The following PCDHGA4 variants were observed in gnomAD, a reference collection of about 807,000 sequenced individuals.
PCDHGA4 encodes protocadherin gamma subfamily A, 4.
PCDHGA4 carries 38 observed loss-of-function variants against 54.6 expected under a neutral mutation model. The observed-to-expected ratio is 0.70, with a 90% CI of 0.54 to 0.91. The LOEUF is 0.91. Ranked by LOEUF, PCDHGA4 falls within the 40% of genes least tolerant of loss-of-function variation. The pLI is 0.00. For missense variants in PCDHGA4, 1,298 were observed against 1,220.9 expected (o/e 1.06, Z -0.94); for synonymous variants, 511 against 512.9 (o/e 1.00, Z 0.05).
At chr5:141,422,709 T>A in intron 1 of PCDHGA4, 1 of 1,603,558 alleles carries the variant, frequency 6.2e-7, no homozygotes, top group Admixed American at 1.7e-5. Flanking sequence ...CTCTGACGGA[T>A]GACACTGTCC....
chr5:141,364,645 C>T (rs1036042236), intron 1 of PCDHGA4: 2 of 1,613,960 alleles, frequency 1.2e-6, no homozygotes, highest in African/African-American at 2.7e-5. Context: ...GTGTGGTGAA[C>T]TTTAACATCT....
Position 141,489,434 on chromosome 5 carries a change from A to G in PCDHGA4, c.2515-5373A>G. On this transcript the variant is annotated intron_variant, in intron 1 of 3. Transcript: ENST00000571252. This position sits in a 1 kb window ranked among gnomAD's most constrained non-coding sequence, Gnocchi z 4.5. ...ACAGATCTGTTGAGCCGGCGGCTGC[A>G]ATTGGGCTCTGAGGAGAATGGGCGC... 6.2e-7 allele frequency: 1 copy of G among 1,614,138 alleles called. No individual in the cohort carries two copies. The highest frequency in any genetic ancestry group is 8.5e-7 in the Non-Finnish European group (1 of 1,180,044).
intron 2 of PCDHGA4, among the ~76,000 whole-genome samples, chr5:141,495,720 G>A (rs1048453188): frequency 2.6e-5 from 4 of 152,080 alleles, no homozygotes; most frequent in Non-Finnish European, 5.9e-5. Context: ...GTAACTACAC[G>A]GGACCCTTAG....
intron 2 of PCDHGA4, among the ~76,000 whole-genome samples, chr5:141,500,381 T>G (rs1013284512): frequency 7.2e-5 from 11 of 151,786 alleles, no homozygotes; most frequent in African/African-American, 2.7e-4. Flanking sequence ...GCTAATTATT[T>G]TGTATTTTTA....
At chr5:141,397,926 A>T in intron 1 of PCDHGA4, 1 of 753,888 alleles carries the variant, frequency 1.3e-6, no homozygotes, top group Non-Finnish European at 2.1e-6. Context: ...CTCCTCGCGC[A>T]GCCGCAGCGC....
At position 141,477,118 on chromosome 5, in the gene PCDHGA4, A is replaced by T. The variant is rs2099405787; in HGVS notation, c.2515-17689A>T. The T allele has an allele frequency of 6.2e-7, 1 of 1,614,228 alleles. No homozygotes were observed. Among genetic ancestry groups the T allele is most frequent in the Non-Finnish European group, 8.5e-7 (1 of 1,180,034 alleles). On this transcript the variant is annotated intron_variant, in intron 1 of 3. Coordinates refer to ENST00000571252, the MANE Select transcript of PCDHGA4 (RefSeq NM_018917.4). This position sits in a 1 kb window ranked among gnomAD's most constrained non-coding sequence, Gnocchi z 4.9. ...ACAAGGGCGCCAATCCCGAAGGAGC[A>T]CATTGCAAAGTGTTGGTGGAGGTTG...
chr5:141,407,529 T>G (rs2154538729), intron 1 of PCDHGA4, among the ~76,000 whole-genome samples: 1 of 151,552 alleles, frequency 6.6e-6, no homozygotes, highest in South Asian at 2.1e-4. Context: ...CTTAACTTAT[T>G]GTGCATTGGT....
chr5:141,389,916 G>C lies in PCDHGA4; in HGVS notation c.2514+32295G>C, dbSNP rs747654268. 3.1e-6 allele frequency: 5 copies of C among 1,613,904 alleles called. No individual in the cohort carries two copies. In the African/African-American group the frequency reaches 6.7e-5, roughly 22 times the overall value. ...GCTGCCGGATATCACTGACCGCCCC[G>C]ACCCCTCTGACCTCCAGGCTGAGCT... On this transcript the variant is annotated intron_variant, in intron 1 of 3. Transcript: ENST00000571252.
intron 1 of PCDHGA4, chr5:141,419,816 C>A (rs910172118): frequency 7.4e-6 from 12 of 1,613,940 alleles, no homozygotes; most frequent in Non-Finnish European, 1.0e-5. Context: ...AGGACAGCCA[C>A]CCCTTTCAGC....
intron 1 of PCDHGA4, chr5:141,410,118 G>C: frequency 1.2e-6 from 2 of 1,612,422 alleles, no homozygotes; most frequent in African/African-American, 2.7e-5. Flanking sequence ...GACGCAGCCC[G>C]CCAGCGCCTG....
chr5:141,418,669 C>G, intron 1 of PCDHGA4: 1 of 1,614,018 alleles, frequency 6.2e-7, no homozygotes, highest in Non-Finnish European at 8.5e-7. Flanking sequence ...CTGACCAGGA[C>G]GAGGGCATCA....
chr5:141,441,762 C>T (rs3805697), intron 1 of PCDHGA4: 63,073 of 367,490 alleles, frequency 0.17, 6,544 homozygotes, highest in Admixed American at 0.27. Context: ...CGTGAGCCTG[C>T]GCGTGTTGGT....
rs978605314 is a variant in PCDHGA4, at chr5:141,356,486, C to T, written c.1379C>T (p.Thr460Ile). The T allele has an allele frequency of 1.2e-6, 2 of 1,613,992 alleles. No individual in the cohort carries two copies. The highest frequency in any genetic ancestry group is 1.1e-5 in the South Asian group (1 of 91,086). Residue 460 changes from threonine to isoleucine, a missense_variant, in exon 1 of 4, where the codon ACT becomes ATT. By Grantham distance (89) the Thr-to-Ile change is moderately conservative. Transcript: ENST00000571252. ...ACTGTAACTGCCACTGACCAGGGAA[C>T]TCCTCCACTGTCTACAGAAACTCAT... ...NITVTATDQG[T>I]PPLSTETHIS...
At chr5:141,427,461 G>A (rs1397917549) in intron 1 of PCDHGA4, 1 of 497,998 alleles carries the variant, frequency 2.0e-6, no homozygotes, top group Admixed American at 2.3e-5. Context: ...TTTTAGAATC[G>A]AATCTTCCGC....
At chr5:141,437,205 A>G (rs1561884114) in intron 1 of PCDHGA4, among the ~76,000 whole-genome samples, 1 of 152,202 alleles carries the variant, frequency 6.6e-6, no homozygotes, top group African/African-American at 2.4e-5. Context: ...ATGTGTTTAC[A>G]TTTATTCTGA....
chr5:141,366,298 C>A, intron 1 of PCDHGA4: 1 of 1,613,766 alleles, frequency 6.2e-7, no homozygotes, highest in Non-Finnish European at 8.5e-7. Flanking sequence ...CTCTGTCAGC[C>A]ACCTTCACGG....
Position 141,486,369 on chromosome 5 carries a change from C to A in PCDHGA4, c.2515-8438C>A. On this transcript the variant is annotated intron_variant, in intron 1 of 3. Coordinates refer to ENST00000571252, the MANE Select transcript of PCDHGA4 (RefSeq NM_018917.4). This position sits in a 1 kb window ranked among gnomAD's most constrained non-coding sequence, Gnocchi z 5.0. ...GACCACTTGCCATTTGCCCTCAAGT[C>A]TGCCTTCAGGAACCAGTTCTCCCTG... 6.2e-7 allele frequency: 1 copy of A among 1,614,128 alleles called. No individual in the cohort carries two copies. Among genetic ancestry groups the A allele is most frequent in the African/African-American group, 1.3e-5 (1 of 75,048 alleles).
chr5:141,399,310 A>G, intron 1 of PCDHGA4: 2 of 1,613,936 alleles, frequency 1.2e-6, no homozygotes, highest in Non-Finnish European at 1.7e-6. Context: ...CTCTTCATCC[A>G]AAAATTCGTA....
chr5:141,362,509 AATC>A lies in PCDHGA4; in HGVS notation c.2514+4891_2514+4893del, dbSNP rs1561527217. ...CAATGCCTCTTGGGAACAAAATACAAATCATGGAGCCGCTGGGGTCCCTTTTGC... is the reference window on the plus strand; with the variant it reads ...CAATGCCTCTTGGGAACAAAATACAAATGGAGCCGCTGGGGTCCCTTTTGC... On this transcript the variant is annotated intron_variant, in intron 1 of 3. Coordinates refer to ENST00000571252, the MANE Select transcript of PCDHGA4 (RefSeq NM_018917.4). The A allele has an allele frequency of 5.0e-6, 8 of 1,613,920 alleles. No homozygotes were observed. The South Asian group carries it at 7.7e-5, about 16-fold the overall frequency.
Sources: allele counts gnomAD v4.1 joint callset (sites outside exome capture counted in the v4.1 genomes callset), GRCh38; gene constraint gnomAD v4.1.1; non-coding constraint Gnocchi (gnomAD v3.1); transcripts MANE v1.5; gene names NCBI Gene and HGNC (gene_info 2026-07-23, HGNC 2026-07-21).